THRB: variants seen among roughly 807,000 people sequenced by gnomAD.
The protein encoded by THRB is thyroid hormone receptor beta.
THRB carries 12 observed loss-of-function variants against 47.8 expected under a neutral mutation model. The ratio of observed to expected loss-of-function variants is 0.25; its 90% CI spans 0.16 to 0.41. The LOEUF is 0.41. Among genes scored for constraint, THRB ranks in the 10% least tolerant of loss-of-function variants. The probability of loss-of-function intolerance (pLI) is 1.00; values close to 1 mark genes in which losing one functional copy is unlikely to be tolerated. For synonymous variants in THRB, 218 were observed against 212.2 expected, an observed-to-expected ratio of 1.03 and a Z score of -0.24; for missense variants, 348 against 589.2, an observed-to-expected ratio of 0.59 and a Z score of 4.24.
Position 24,166,551 on chromosome 3 carries a change from G to C in THRB, c.284-14061C>G, listed in dbSNP as rs530587723. Reference sequence around the variant, plus strand: ...ACAAATACCAAATTAGATTGTGAATGCTTGCTAGGATGATTACTAATGGTA... The same window carrying C: ...ACAAATACCAAATTAGATTGTGAATCCTTGCTAGGATGATTACTAATGGTA... On this transcript the variant is annotated intron_variant, in intron 5 of 10. Coordinates refer to ENST00000646209, the MANE Select transcript of THRB (RefSeq NM_001354712.2). Among the ~76,000 whole-genome samples the C allele has an allele frequency of 5.3e-5, 8 of 152,318 alleles. No individual in the cohort carries two copies. The South Asian group carries it at 1.4e-3, about 28-fold the overall frequency.
intron 5 of THRB, among the ~76,000 whole-genome samples, chr3:24,155,004 T>G (rs2037594358): frequency 6.6e-6 from 1 of 152,112 alleles, no homozygotes; most frequent in Admixed American, 6.5e-5. Flanking sequence ...TTAACCAGAG[T>G]TGGGAAGATG....
chr3:24,362,493 C>T (rs2064149213), intron 1 of THRB, among the ~76,000 whole-genome samples: 1 of 152,090 alleles, frequency 6.6e-6, no homozygotes, highest in African/African-American at 2.4e-5. Flanking sequence ...TCCTACATTC[C>T]CCTTCTTCTT....
intron 1 of THRB, among the ~76,000 whole-genome samples, chr3:24,344,951 A>G (rs2062914988): frequency 6.6e-6 from 1 of 152,114 alleles, no homozygotes; most frequent in African/African-American, 2.4e-5. Context: ...CATATCCACA[A>G]AAGACCAATC....
rs554912372 is a variant in THRB, at chr3:24,229,743, A to C, written c.-42-742T>G. ...CTGGTGGGTGATGAACCTGGGTCAC[A>C]GTCCTTCAGCATATTGCCGGAGACA... On this transcript the variant is annotated intron_variant, in intron 3 of 10. Transcript: ENST00000646209. Among the ~76,000 whole-genome samples the C allele has an allele frequency of 2.0e-5, 3 of 152,310 alleles. No homozygotes were observed. In the East Asian group the frequency reaches 5.8e-4, roughly 29 times the overall value.
chr3:24,295,902 G>A (rs2056408444), intron 3 of THRB, among the ~76,000 whole-genome samples: 1 of 152,204 alleles, frequency 6.6e-6, no homozygotes, highest in Non-Finnish European at 1.5e-5. Flanking sequence ...CAATATGGGA[G>A]CCATTAGCCC....
intron 1 of THRB, among the ~76,000 whole-genome samples, chr3:24,483,442 A>G (rs1163614232): frequency 2.0e-5 from 3 of 152,176 alleles, no homozygotes; most frequent in African/African-American, 4.8e-5. Context: ...TCAACATACC[A>G]AGAATCAGGT....
At chr3:24,341,231 CTT>C (rs5847287) in intron 1 of THRB, among the ~76,000 whole-genome samples, 12 of 104,034 alleles carry the variant, frequency 1.2e-4, no homozygotes, top group African/African-American at 2.7e-4. Context: ...ATGAGATTAC[CTT>C]TTTTTTTTTT....
At chr3:24,235,587 C>T (rs1435246775) in intron 3 of THRB, among the ~76,000 whole-genome samples, 1 of 152,100 alleles carries the variant, frequency 6.6e-6, no homozygotes, top group African/African-American at 2.4e-5. Context: ...TCATGGGCAG[C>T]CCAGAAAAGC....
intron 1 of THRB, among the ~76,000 whole-genome samples, chr3:24,491,145 C>A (rs903482123): frequency 2.6e-5 from 4 of 152,146 alleles, no homozygotes; most frequent in African/African-American, 9.7e-5. Flanking sequence ...TACTAAGAAG[C>A]TCAGAGCCAA....
At chr3:24,465,959 A>G (rs1560256032) in intron 1 of THRB, among the ~76,000 whole-genome samples, 1 of 152,076 alleles carries the variant, frequency 6.6e-6, no homozygotes, top group African/African-American at 2.4e-5. Context: ...TCCTTCCTAG[A>G]GATAATCACT....
rs572710904 is a variant in THRB, at chr3:24,463,139, T to C, written c.-261+31513A>G. On this transcript the variant is annotated intron_variant, in intron 1 of 10. Transcript: ENST00000646209. ...GGCTAGTTAAGGGAGAAGGAAGAAA[T>C]ATCTGAAACCTTAATGGAGTGTTAA... Among the ~76,000 whole-genome samples, 33 of 152,332 alleles carry C rather than the reference T, an allele frequency of 2.2e-4. 1 individual carries two copies. In the South Asian group the frequency reaches 6.8e-3, roughly 32 times the overall value.
At chr3:24,345,127 G>A (rs182315283) in intron 1 of THRB, among the ~76,000 whole-genome samples, 12 of 152,212 alleles carry the variant, frequency 7.9e-5, no homozygotes, top group East Asian at 3.9e-4. Context: ...CATCTCTTCC[G>A]CTGGGTAATT....
chr3:24,212,688 C>T (rs141815592), intron 4 of THRB, among the ~76,000 whole-genome samples: 91 of 152,192 alleles, frequency 6.0e-4, no homozygotes, highest in African/African-American at 2.0e-3. Context: ...CTTGATCCCC[C>T]GCTATTATGC....
chr3:24,165,529 T>C, intron 5 of THRB: 1 of 575,584 alleles, frequency 1.7e-6, no homozygotes, highest in Non-Finnish European at 3.1e-6. Flanking sequence ...CCAGCCTGCT[T>C]TACTTTGTAA....
At chr3:24,447,994 G>T (rs145803108) in intron 1 of THRB, among the ~76,000 whole-genome samples, 1 of 151,974 alleles carries the variant, frequency 6.6e-6, no homozygotes, top group Non-Finnish European at 1.5e-5. Flanking sequence ...CCTTGATGAC[G>T]AATTCTTTCT....
At chr3:24,396,519 T>C (rs1467595980) in intron 1 of THRB, among the ~76,000 whole-genome samples, 1 of 152,126 alleles carries the variant, frequency 6.6e-6, no homozygotes, top group African/African-American at 2.4e-5. Flanking sequence ...ACTGTGATGC[T>C]AATTGTCACC....
At chr3:24,337,860 C>T (rs113757204) in intron 1 of THRB, among the ~76,000 whole-genome samples, 4,735 of 152,172 alleles carry the variant, frequency 0.031, 91 homozygotes, top group African/African-American at 0.052. Flanking sequence ...CGATGGGTTC[C>T]TCATCAGGGT....
At chr3:24,255,161 C>T (rs777333311) in intron 3 of THRB, among the ~76,000 whole-genome samples, 10 of 152,076 alleles carry the variant, frequency 6.6e-5, no homozygotes, top group Non-Finnish European at 1.5e-4. Context: ...TTCATCCCAT[C>T]GGTCCAGTAT....
intron 1 of THRB, among the ~76,000 whole-genome samples, chr3:24,465,955 C>T (rs997023768): frequency 1.3e-5 from 2 of 151,994 alleles, no homozygotes; most frequent in African/African-American, 2.4e-5. Flanking sequence ...TTCTTCCTTC[C>T]TAGAGATAAT....
Sources: allele counts gnomAD v4.1 joint callset (sites outside exome capture counted in the v4.1 genomes callset), GRCh38; gene constraint gnomAD v4.1.1; transcripts MANE v1.5; gene names NCBI Gene and HGNC (gene_info 2026-07-23, HGNC 2026-07-21).